IMMP2L: variants seen among roughly 807,000 people sequenced by gnomAD.
The protein encoded by IMMP2L is mitochondrial inner membrane protease subunit 2.
In IMMP2L, 18 loss-of-function variants were observed where a neutral mutation model predicts 19.3. The observed-to-expected ratio is 0.93, with a 90% CI of 0.64 to 1.38. The LOEUF (loss-of-function observed/expected upper bound fraction) is 1.38, where lower values mean the gene tolerates loss of function less well. Among genes scored for constraint, IMMP2L ranks in the 40% most tolerant of loss-of-function variants. The pLI is 0.00. For synonymous variants in IMMP2L, 76 were observed against 73.0 expected (o/e 1.04, Z -0.21); for missense variants, 233 against 218.2 (o/e 1.07, Z -0.43).
intron 5 of IMMP2L, among the ~76,000 whole-genome samples, chr7:110,741,432 A>G (rs906023207): frequency 3.9e-5 from 6 of 152,264 alleles, no homozygotes; most frequent in African/African-American, 1.4e-4. Flanking sequence ...ATGAGGGCAG[A>G]GCCCTCATTA....
At chr7:111,372,100 C>A (rs1830307161) in intron 3 of IMMP2L, among the ~76,000 whole-genome samples, 1 of 151,872 alleles carries the variant, frequency 6.6e-6, no homozygotes, top group Non-Finnish European at 1.5e-5. Flanking sequence ...AGGTTCTGTG[C>A]CAACATCATG....
chr7:110,967,964 A>G (rs1819727059), intron 3 of IMMP2L, among the ~76,000 whole-genome samples: 1 of 151,978 alleles, frequency 6.6e-6, no homozygotes, highest in African/African-American at 2.4e-5. Flanking sequence ...AAGGCTTTGG[A>G]GTATATCTGG....
At chr7:111,301,858 T>G (rs1410680236) in intron 3 of IMMP2L, among the ~76,000 whole-genome samples, 1 of 142,764 alleles carries the variant, frequency 7.0e-6, no homozygotes, top group Non-Finnish European at 1.5e-5. Flanking sequence ...ATACTATAGC[T>G]ATACAGTAGG....
chr7:111,328,618 G>A, intron 3 of IMMP2L, among the ~76,000 whole-genome samples: 1 of 151,876 alleles, frequency 6.6e-6, no homozygotes, highest in East Asian at 1.9e-4. Context: ...ACGTCTTAGA[G>A]TAGGTAACAG....
rs560309715 is a variant in IMMP2L at position 110,877,670 on chromosome 7, C to T, written c.408+8923G>A. Reference sequence around the variant, plus strand: ...TTTGAGCCAGACTGCGCTTAGGCCTCGGCAAGAGGCACTACTTTTTTGGTG... The same window carrying T: ...TTTGAGCCAGACTGCGCTTAGGCCTTGGCAAGAGGCACTACTTTTTTGGTG... On this transcript the variant is annotated intron_variant, in intron 5 of 5. Transcript: ENST00000405709. This position sits in a 1 kb window ranked among gnomAD's most constrained non-coding sequence, Gnocchi z 4.0. 9.9e-5 allele frequency among the ~76,000 whole-genome samples: 15 copies of T among 152,194 alleles called. No homozygotes were observed. In the South Asian group the frequency reaches 2.7e-3, roughly 27 times the overall value.
intron 3 of IMMP2L, among the ~76,000 whole-genome samples, chr7:111,420,928 G>A (rs1469551337): frequency 6.6e-6 from 1 of 151,766 alleles, no homozygotes; most frequent in Non-Finnish European, 1.5e-5. Flanking sequence ...ACCCAGTAAT[G>A]GGACCGCTGG....
At chr7:111,400,530 G>T (rs1833323208) in intron 3 of IMMP2L, among the ~76,000 whole-genome samples, 1 of 151,924 alleles carries the variant, frequency 6.6e-6, no homozygotes, top group Non-Finnish European at 1.5e-5. Flanking sequence ...ACCTTCTCCA[G>T]CCTACCCCAC....
At chr7:111,389,535 CA>C (rs912566091) in intron 3 of IMMP2L, among the ~76,000 whole-genome samples, 1 of 146,270 alleles carries the variant, frequency 6.8e-6, no homozygotes, top group African/African-American at 2.5e-5. Flanking sequence ...ACTCTCAAGC[CA>C]AAAAAAAACT....
chr7:111,313,524 T>A (rs1823731647), intron 3 of IMMP2L, among the ~76,000 whole-genome samples: 1 of 152,160 alleles, frequency 6.6e-6, no homozygotes, highest in African/African-American at 2.4e-5. Context: ...TAATAATAAC[T>A]GTAAAGAAAA....
intron 3 of IMMP2L, among the ~76,000 whole-genome samples, chr7:110,989,841 G>T (rs1435161305): frequency 6.6e-6 from 1 of 151,664 alleles, no homozygotes; most frequent in African/African-American, 2.4e-5. Context: ...AATGTTGGCA[G>T]GGAAAAAGTT....
intron 3 of IMMP2L, among the ~76,000 whole-genome samples, chr7:111,280,700 G>A (rs942493597): frequency 6.6e-6 from 1 of 152,126 alleles, no homozygotes; most frequent in Non-Finnish European, 1.5e-5. Context: ...GACAAATTAG[G>A]CGCCTCTTAC....
intron 4 of IMMP2L, chr7:110,963,138 T>C (rs1819146867): frequency 1.4e-6 from 2 of 1,453,800 alleles, no homozygotes; most frequent in Non-Finnish European, 1.8e-6. Context: ...GCTTCTAAAA[T>C]AGTTAAATGT....
chr7:111,250,746 A>G (rs1587038148), intron 3 of IMMP2L, among the ~76,000 whole-genome samples: 1 of 152,176 alleles, frequency 6.6e-6, no homozygotes, highest in African/African-American at 2.4e-5. Flanking sequence ...CTTATACAAA[A>G]GGTAACTCAA....
intron 3 of IMMP2L, among the ~76,000 whole-genome samples, chr7:111,377,786 C>G (rs1830819414): frequency 6.6e-6 from 1 of 151,994 alleles, no homozygotes; most frequent in African/African-American, 2.4e-5. Context: ...AATCTCTTCA[C>G]CCGAAGTAAT....
chr7:110,697,198 T>C (rs1455999678), intron 5 of IMMP2L, among the ~76,000 whole-genome samples: 1 of 152,140 alleles, frequency 6.6e-6, no homozygotes, highest in African/African-American at 2.4e-5. Flanking sequence ...GCTAAACATG[T>C]GACAGTATCT....
chr7:111,440,601 T>G (rs1055231927), intron 3 of IMMP2L, among the ~76,000 whole-genome samples: 5 of 151,792 alleles, frequency 3.3e-5, no homozygotes, highest in African/African-American at 4.9e-5. Flanking sequence ...TAGAGCACAG[T>G]CAGAGCATAT....
At chr7:110,893,060 A>G (rs747389000) in intron 4 of IMMP2L, among the ~76,000 whole-genome samples, 9 of 152,198 alleles carry the variant, frequency 5.9e-5, no homozygotes, top group Admixed American at 6.5e-5. Flanking sequence ...CAATCAATAA[A>G]TAAAGCAATA....
rs535166648 is a variant in IMMP2L at position 111,053,893 on chromosome 7, T to C, written c.240-90328A>G. Among the ~76,000 whole-genome samples, 146 of 152,346 alleles carry C rather than the reference T, an allele frequency of 9.6e-4. No individual in the cohort carries two copies. The Middle Eastern group carries it at 0.01, about 11-fold the overall frequency. ...CATATTGCTAAACAAATTAAGCATT[T>C]TATATTTATTATTTTAATTCAAATT... On this transcript the variant is annotated intron_variant, in intron 3 of 5. Coordinates refer to ENST00000405709, the MANE Select transcript of IMMP2L (RefSeq NM_032549.4).
At chr7:111,401,868 TGG>T (rs1833450393) in intron 3 of IMMP2L, among the ~76,000 whole-genome samples, 5 of 151,932 alleles carry the variant, frequency 3.3e-5, no homozygotes, top group Admixed American at 2.0e-4. Context: ...CCAAACACAG[TGG>T]TAAATGCAAG....
Sources: allele counts gnomAD v4.1 joint callset (sites outside exome capture counted in the v4.1 genomes callset), GRCh38; gene constraint gnomAD v4.1.1; non-coding constraint Gnocchi (gnomAD v3.1); transcripts MANE v1.5; gene names NCBI Gene and HGNC (gene_info 2026-07-23, HGNC 2026-07-21).